The following BANP variants were observed in gnomAD, a reference collection of about 807,000 sequenced individuals.
BANP encodes protein BANP.
In BANP, 11 loss-of-function variants were observed where a neutral mutation model predicts 68.1. The ratio of observed to expected loss-of-function variants is 0.16; its 90% CI spans 0.10 to 0.27. BANP has a LOEUF of 0.27. BANP is among the 10% of genes least tolerant of loss of function. The pLI, the probability that BANP is intolerant of heterozygous loss-of-function variation, is 1.00. For missense variants in BANP, 504 were observed against 722.7 expected (o/e 0.70, Z 3.47); for synonymous variants, 329 against 303.2 (o/e 1.09, Z -0.88).
At chr16:88,021,170 T>A (rs1009862794) in intron 7 of BANP, among the ~76,000 whole-genome samples, 3 of 152,194 alleles carry the variant, frequency 2.0e-5, no homozygotes, top group African/African-American at 7.2e-5. Flanking sequence ...GGGGCCATCC[T>A]CCAGACAGCT....
intron 4 of BANP, among the ~76,000 whole-genome samples, chr16:87,994,339 T>C (rs1186587398): frequency 6.6e-6 from 1 of 152,236 alleles, no homozygotes; most frequent in Non-Finnish European, 1.5e-5. Flanking sequence ...TTGGGACTGT[T>C]GGGTGGAAGT....
intron 11 of BANP, among the ~76,000 whole-genome samples, chr16:88,045,132 T>C (rs58907811): frequency 0.2 from 30,490 of 152,014 alleles, 3,710 homozygotes; most frequent in East Asian, 0.49. Context: ...ATAAATGTGC[T>C]AGTTAAAAAA....
At chr16:88,076,563 A>C (rs370713439) in intron 13 of BANP, 27 bp from the exon 14 acceptor site, 60 of 1,607,580 alleles carry the variant, frequency 3.7e-5, no homozygotes, top group Non-Finnish European at 5.0e-5. Context: ...ATTTTTCTAG[A>C]AAGTCCCTCC....
rs2144704996 is a variant in BANP, at chr16:87,957,485, G to A, written c.-69+5970G>A. ...GGTGGGCTGGTGTGGAGTCCTGTCA[G>A]GAGACCTGGGGCGGTTTTGAGGCAA... On this transcript the variant is annotated intron_variant, in intron 1 of 13. Coordinates refer to ENST00000682872, the MANE Select transcript of BANP (RefSeq NM_001386991.1). This position sits in a 1 kb window ranked among gnomAD's most constrained non-coding sequence, Gnocchi z 4.3. 6.6e-6 allele frequency among the ~76,000 whole-genome samples: 1 copy of A among 152,370 alleles called. No individual in the cohort carries two copies. Among genetic ancestry groups the A allele is most frequent in the East Asian group, 1.9e-4 (1 of 5,188 alleles).
intron 6 of BANP, among the ~76,000 whole-genome samples, chr16:88,010,715 C>T (rs1487543806): frequency 6.6e-6 from 1 of 152,256 alleles, no homozygotes; most frequent in Non-Finnish European, 1.5e-5. Context: ...GAGTCACACA[C>T]ATCGCAGTCC....
In BANP at chr16:88,035,194, C is replaced by T. The variant is rs955280251; in HGVS notation, c.1201-129C>T. The T allele has an allele frequency of 5.9e-6, 5 of 854,322 alleles. No homozygotes were observed. In the African/African-American group the frequency reaches 8.5e-5, roughly 14 times the overall value. 52.9% of individuals were successfully genotyped at this position (854,322 alleles called of 1,614,324 possible). On this transcript the variant is annotated intron_variant, in intron 9 of 13. Coordinates refer to ENST00000682872, the MANE Select transcript of BANP (RefSeq NM_001386991.1). The stretch of plus-strand genomic sequence containing the variant: ...AGAAGTGACCACAGACTATATTGCA[C>T]TATTCAGGATTTAGTTATCTTTTTG...
At chr16:87,965,644 A>G (rs1044569307) in intron 1 of BANP, among the ~76,000 whole-genome samples, 1 of 152,054 alleles carries the variant, frequency 6.6e-6, no homozygotes, top group African/African-American at 2.4e-5. Flanking sequence ...GGCTTGCAGC[A>G]TCAGGCGCAC....
At chr16:87,994,125 G>A (rs1467376264) in intron 4 of BANP, among the ~76,000 whole-genome samples, 1 of 151,548 alleles carries the variant, frequency 6.6e-6, no homozygotes, top group Non-Finnish European at 1.5e-5. Flanking sequence ...GCGGTGCACT[G>A]TGTCCTCTGA....
At position 88,003,398 on chromosome 16, in the gene BANP, T is replaced by C; in HGVS notation, c.363-897T>C. On this transcript the variant is annotated intron_variant, in intron 4 of 13. Transcript: ENST00000682872. This position sits in a 1 kb window ranked among gnomAD's most constrained non-coding sequence, Gnocchi z 6.1. ...AAAGGCAGGCTTCCCAGGTTGGTTT[T>C]TGGAGAGTGAAATCCAAGAATGGAG... The C allele has an allele frequency of 2.2e-6, 1 of 455,592 alleles. No individual in the cohort carries two copies. The highest frequency in any genetic ancestry group is 4.4e-6 in the Non-Finnish European group (1 of 226,568). The allele number at this position is 455,592 out of a possible 1,614,324, so 28.2% of individuals were successfully genotyped here. A position where few individuals can be genotyped will look rare whatever the true frequency, so the allele number is the denominator to read the frequency against.
chr16:87,983,923 G>C, intron 3 of BANP, 137 bp from the exon 4 acceptor site: 1 of 1,336,056 alleles, frequency 7.5e-7, no homozygotes, highest in East Asian at 2.5e-5. Context: ...CATAGCTCAC[G>C]GGCTATTTCC....
chr16:87,999,347 T>C (rs1187277514), intron 4 of BANP, among the ~76,000 whole-genome samples: 2 of 148,396 alleles, frequency 1.3e-5, no homozygotes, highest in East Asian at 4.2e-4. Flanking sequence ...CATGCGCGGC[T>C]GTACTTACCT....
At chr16:88,045,345 C>T (rs980264910) in intron 11 of BANP, among the ~76,000 whole-genome samples, 2 of 152,252 alleles carry the variant, frequency 1.3e-5, no homozygotes, top group African/African-American at 4.8e-5. Flanking sequence ...ACGCCATCCA[C>T]AAGCCTCTGA....
rs759958359 is a variant in BANP, at chr16:88,065,280, C to A, written c.1325C>A (p.Thr442Asn). ...TGCCTTTTCCAGCTTCTAGAGGCCA[C>A]CCGCATCCCCTGCCTCCTGGCCCCA... ...VGQDGQLLEATRIPCLLAPSV... is the reference protein window; with the variant it reads ...VGQDGQLLEANRIPCLLAPSV... The change falls in exon 12 of 14, where the codon ACC becomes AAC. Residue 442 changes from threonine (T) to asparagine (N), a missense_variant. Coordinates refer to ENST00000682872, the MANE Select transcript of BANP (RefSeq NM_001386991.1). The A allele has an allele frequency of 2.6e-5, 20 of 765,866 alleles. No homozygotes were observed. The highest frequency in any genetic ancestry group is 4.8e-5 in the Non-Finnish European group (20 of 416,880). The allele number at this position is 765,866 out of a possible 1,614,324, so 47.4% of individuals were successfully genotyped here. A position where few individuals can be genotyped will look rare whatever the true frequency, so the allele number is the denominator to read the frequency against.
intron 4 of BANP, among the ~76,000 whole-genome samples, chr16:87,990,821 G>A (rs897933502): frequency 5.3e-5 from 8 of 152,152 alleles, no homozygotes; most frequent in Admixed American, 1.3e-4. Context: ...GGAGTGCAGT[G>A]GCGCAATCTC....
At chr16:88,048,488 C>T (rs1006491865) in intron 11 of BANP, among the ~76,000 whole-genome samples, 5 of 151,506 alleles carry the variant, frequency 3.3e-5, no homozygotes, top group African/African-American at 1.2e-4. Context: ...ACAGTATTCT[C>T]GGTATCGAGT....
intron 11 of BANP, among the ~76,000 whole-genome samples, chr16:88,051,966 C>G (rs907871153): frequency 2.0e-5 from 3 of 152,106 alleles, no homozygotes; most frequent in Non-Finnish European, 4.4e-5. Context: ...CCTCACATGA[C>G]CAAGAAATAA....
At chr16:87,999,445 C>T (rs1252702251) in intron 4 of BANP, among the ~76,000 whole-genome samples, 2 of 35,662 alleles carry the variant, frequency 5.6e-5, no homozygotes, top group African/African-American at 2.9e-4. Context: ...CATGCACGCA[C>T]GTGCGCGGCT....
chr16:87,992,164 C>T lies in BANP; in HGVS notation c.362+7905C>T, dbSNP rs189843008. Among the ~76,000 whole-genome samples, 104 of 152,278 alleles carry T rather than the reference C, an allele frequency of 6.8e-4. 2 individuals are homozygous for T. The highest frequency in any genetic ancestry group is 4.9e-3 in the Admixed American group (75 of 15,298). On this transcript the variant is annotated intron_variant, in intron 4 of 13. Transcript: ENST00000682872. Reference sequence around the variant, plus strand: ...ATTCTTTTGTTAAAGTGAATTACGTCGATTTCGAATGCTAACCGAACCTTG... The same window carrying T: ...ATTCTTTTGTTAAAGTGAATTACGTTGATTTCGAATGCTAACCGAACCTTG...
intron 1 of BANP, among the ~76,000 whole-genome samples, chr16:87,959,549 G>T (rs544366650): frequency 6.6e-6 from 1 of 152,236 alleles, no homozygotes; most frequent in Non-Finnish European, 1.5e-5. Context: ...GGCTCTCCGG[G>T]GAGGAGGCCC....
Sources: allele counts gnomAD v4.1 joint callset (sites outside exome capture counted in the v4.1 genomes callset), GRCh38; gene constraint gnomAD v4.1.1; non-coding constraint Gnocchi (gnomAD v3.1); transcripts MANE v1.5; gene names NCBI Gene and HGNC (gene_info 2026-07-23, HGNC 2026-07-21).